Variants in CDC34 observed in about 807,000 individuals in gnomAD.
CDC34 encodes the protein ubiquitin-conjugating enzyme E2 R1.
A neutral mutation model predicts 26.8 loss-of-function variants in CDC34; 18 were observed. The observed-to-expected ratio is 0.67, with a 90% CI of 0.47 to 1.00. The LOEUF (loss-of-function observed/expected upper bound fraction) is 1.00, where lower values mean the gene tolerates loss of function less well. CDC34 is among the 50% of genes least tolerant of loss of function. The pLI, the probability that CDC34 is intolerant of heterozygous loss-of-function variation, is 0.00. For missense variants in CDC34, 280 were observed against 334.5 expected (o/e 0.84, Z 1.27); for synonymous variants, 178 against 147.5 (o/e 1.21, Z -1.50).
rs1980028989 is a variant in CDC34 at position 541,743 on chromosome 19, C to T, written c.*191C>T. ...CAGAGAAGAGGGGCTGCCCCACCGC[C>T]ACTCACGTCACTCGGGGCTCGGTGG... On this transcript the variant is annotated 3_prime_UTR_variant, in exon 5 of 5. Transcript: ENST00000215574. 3 of 531,462 alleles carry T rather than the reference C, an allele frequency of 5.6e-6. No individual in the cohort carries two copies. The highest frequency in any genetic ancestry group is 6.1e-6 in the Non-Finnish European group (2 of 326,200). 32.9% of individuals were successfully genotyped at this position (531,462 alleles called of 1,614,324 possible). A position where few individuals can be genotyped will look rare whatever the true frequency, so the allele number is the denominator to read the frequency against.
chr19:538,986 C>G, intron 4 of CDC34: 1 of 985,346 alleles, frequency 1.0e-6, no homozygotes, highest in Non-Finnish European at 1.2e-6. Context: ...GCACCACCTC[C>G]TTGAGATCCC....
chr19:535,818 C>T lies in CDC34; in HGVS notation c.178-19C>T. ...TTGGGGCTGGGCTGGACTGAGCCAC[C>T]TGCCTTCTGCCCCTGCAGGCGCGCC... On this transcript the variant is annotated intron_variant, in intron 1 of 4. Transcript: ENST00000215574. 1 of 1,606,574 alleles carries T rather than the reference C, an allele frequency of 6.2e-7. No homozygotes were observed. Among genetic ancestry groups the T allele is most frequent in the Non-Finnish European group, 8.5e-7 (1 of 1,174,160 alleles).
chr19:537,209 T>A, intron 4 of CDC34, 62 bp downstream of exon 4: 1 of 1,580,294 alleles, frequency 6.3e-7, no homozygotes, highest in Non-Finnish European at 8.6e-7. Context: ...CCCCGGCCCC[T>A]GGTCCCACGG....
intron 4 of CDC34, among the ~76,000 whole-genome samples, chr19:537,437 C>T (rs1001114980): frequency 6.6e-6 from 1 of 152,118 alleles, no homozygotes; most frequent in Non-Finnish European, 1.5e-5. Flanking sequence ...ACTGCAAGCT[C>T]CGCCTCCCGG....
chr19:536,812 G>T, intron 3 of CDC34: 1 of 616,218 alleles, frequency 1.6e-6, no homozygotes, highest in Non-Finnish European at 2.9e-6. Context: ...TGCCCTCCCT[G>T]GTCTTGGCGT....
In CDC34 at chr19:531,965, G is replaced by T; in HGVS notation, c.34G>T (p.Ala12Ser). Residue 12 changes from alanine to serine, a missense_variant, in exon 1 of 5, where the codon GCG (alanine) becomes TCG (serine). Physicochemically the swap from Ala to Ser is moderately conservative, Grantham distance 99. Coordinates refer to ENST00000215574, the MANE Select transcript of CDC34 (RefSeq NM_004359.2). ...ARPLVPSSQK[A>S]LLLELKGLQE... Reference sequence around the variant, plus strand: ...GCCGCTAGTGCCCAGCTCGCAGAAGGCGCTGCTGCTGGAGCTCAAGGGGCT... The same window carrying T: ...GCCGCTAGTGCCCAGCTCGCAGAAGTCGCTGCTGCTGGAGCTCAAGGGGCT... The T allele has an allele frequency of 6.8e-7, 1 of 1,475,182 alleles. No homozygotes were observed. Among genetic ancestry groups the T allele is most frequent in the Non-Finnish European group, 8.9e-7 (1 of 1,118,504 alleles). 91.4% of individuals were successfully genotyped at this position (1,475,182 alleles called of 1,614,324 possible).
chr19:532,231 G>C, intron 1 of CDC34, 123 bp downstream of exon 1: 1 of 729,600 alleles, frequency 1.4e-6, no homozygotes, highest in Non-Finnish European at 2.1e-6. Flanking sequence ...TCCTGGCTTG[G>C]GCTCGTTTCC....
intron 4 of CDC34, chr19:538,957 T>C (rs907640952): frequency 1.5e-5 from 15 of 985,126 alleles, no homozygotes; most frequent in Non-Finnish European, 1.7e-5. Flanking sequence ...GCCCGGTTCT[T>C]CCCGGCCACC....
At chr19:535,307 C>G (rs1359126795) in intron 1 of CDC34, among the ~76,000 whole-genome samples, 1 of 152,276 alleles carries the variant, frequency 6.6e-6, no homozygotes, top group Non-Finnish European at 1.5e-5. Context: ...GCCATACTGA[C>G]TCATCCCCTC....
rs1034276097 is a variant in CDC34, at chr19:541,614, G to A, written c.*62G>A. ...GGGCCGGACCCGTGGCTCCTTAGAC[G>A]ACAGACTACCTCACGGAGGTTTTGT... On this transcript the variant is annotated 3_prime_UTR_variant, in exon 5 of 5. Transcript: ENST00000215574. 14 of 1,487,350 alleles carry A rather than the reference G, an allele frequency of 9.4e-6. No individual in the cohort carries two copies. The highest frequency in any genetic ancestry group is 4.1e-5 in the South Asian group (3 of 72,652). 92.1% of individuals were successfully genotyped at this position (1,487,350 alleles called of 1,614,324 possible).
At chr19:540,964 T>C (rs1013874004) in intron 4 of CDC34, among the ~76,000 whole-genome samples, 2 of 152,194 alleles carry the variant, frequency 1.3e-5, no homozygotes, top group Non-Finnish European at 2.9e-5. Flanking sequence ...TCCCAGCTGC[T>C]TCCTTTGCTC....
chr19:538,049 C>A (rs937998737), intron 4 of CDC34, among the ~76,000 whole-genome samples: 1 of 152,230 alleles, frequency 6.6e-6, no homozygotes, highest in African/African-American at 2.4e-5. Context: ...TGTGTGTGCC[C>A]AGTGACTGAC....
chr19:534,460 G>A (rs1439523278), intron 1 of CDC34, among the ~76,000 whole-genome samples: 1 of 45,218 alleles, frequency 2.2e-5, no homozygotes. Flanking sequence ...AAGACCCCCT[G>A]AGTGCCCTCC....
In CDC34 at chr19:535,917, C is replaced by A; in HGVS notation, c.258C>A (p.Ile86=). Residue 86 remains isoleucine (I), a synonymous_variant, in exon 2 of 5, where the codon ATC becomes ATA. Transcript: ENST00000215574. ...RFLTKMWHPN[I]YETGDVCISI... ...TGACCAAGATGTGGCACCCTAACAT[C>A]TACGAGGTGAGCGCGGCCCCCACGG... 6.2e-7 allele frequency: 1 copy of A among 1,613,614 alleles called. No homozygotes were observed. Among genetic ancestry groups the A allele is most frequent in the Admixed American group, 1.7e-5 (1 of 60,034 alleles).
At chr19:532,827 C>T (rs1323660756) in intron 1 of CDC34, among the ~76,000 whole-genome samples, 1 of 152,178 alleles carries the variant, frequency 6.6e-6, no homozygotes, top group East Asian at 1.9e-4. Flanking sequence ...CACCTGCTCC[C>T]TGCAGCTCTC....
chr19:535,705 G>A, intron 1 of CDC34, 132 bp from the exon 2 acceptor site: 2 of 747,630 alleles, frequency 2.7e-6, no homozygotes, highest in Non-Finnish European at 4.7e-6. Context: ...CCCTGCCTTG[G>A]GCAGGATACG....
At chr19:537,872 G>A (rs905190916) in intron 4 of CDC34, among the ~76,000 whole-genome samples, 2 of 150,224 alleles carry the variant, frequency 1.3e-5, no homozygotes, top group Non-Finnish European at 3.0e-5. Context: ...AGCCAGGCTG[G>A]TCTCAAACTC....
At chr19:537,648 G>A (rs1390509899) in intron 4 of CDC34, among the ~76,000 whole-genome samples, 3 of 80,800 alleles carry the variant, frequency 3.7e-5, no homozygotes, top group East Asian at 5.2e-4. Flanking sequence ...CACCGCGGCC[G>A]GCCTTTTTTT....
In CDC34 at chr19:536,241, A is replaced by G; in HGVS notation, c.265-2A>G. ...GTTCTGACCTGTCTTCTTCTTGTGC[A>G]GACGGGGGACGTGTGTATCTCCATC... On this transcript the variant is annotated splice_acceptor_variant, in intron 2 of 4. Coordinates refer to ENST00000215574, the MANE Select transcript of CDC34 (RefSeq NM_004359.2). LOFTEE classifies it high-confidence loss of function. 1 of 1,602,846 alleles carries G rather than the reference A, an allele frequency of 6.2e-7. No individual in the cohort carries two copies. Among genetic ancestry groups the G allele is most frequent in the South Asian group, 1.1e-5 (1 of 89,510 alleles).
Sources: allele counts gnomAD v4.1 joint callset (sites outside exome capture counted in the v4.1 genomes callset), GRCh38; gene constraint gnomAD v4.1.1; transcripts MANE v1.5; gene names NCBI Gene and HGNC (gene_info 2026-07-23, HGNC 2026-07-21).